Variants in PPP1R36 observed in about 807,000 individuals in gnomAD.
PPP1R36 encodes protein phosphatase 1 regulatory subunit 36, also known as chromosome 14 open reading frame 50.
PPP1R36 carries 47 observed loss-of-function variants against 53.4 expected under a neutral mutation model. The ratio of observed to expected loss-of-function variants is 0.88; its 90% CI spans 0.70 to 1.12. PPP1R36 has a LOEUF of 1.12. PPP1R36 is among the 50% of genes most tolerant of loss of function. The pLI, the probability that PPP1R36 is intolerant of heterozygous loss-of-function variation, is 0.00. For missense variants in PPP1R36, 456 were observed against 513.9 expected (o/e 0.89, Z 1.09); for synonymous variants, 153 against 170.5 (o/e 0.90, Z 0.80).
chr14:64,582,508 G>A (rs976076126), intron 8 of PPP1R36, among the ~76,000 whole-genome samples: 5 of 152,224 alleles, frequency 3.3e-5, no homozygotes, highest in African/African-American at 1.2e-4. Flanking sequence ...AATGCATGGT[G>A]TCTGTGCTGA....
intron 3 of PPP1R36, among the ~76,000 whole-genome samples, chr14:64,558,796 T>C (rs959596077): frequency 6.6e-6 from 1 of 152,106 alleles, no homozygotes; most frequent in Non-Finnish European, 1.5e-5. Context: ...GCACCACAGC[T>C]GGCTAATTTT....
At chr14:64,564,152 C>G (rs2080230423) in intron 3 of PPP1R36, among the ~76,000 whole-genome samples, 2 of 152,144 alleles carry the variant, frequency 1.3e-5, no homozygotes, top group South Asian at 4.1e-4. Context: ...GTCCTGAAAC[C>G]TACCTGGAGA....
At chr14:64,571,737 G>A (rs1295251033) in intron 7 of PPP1R36, among the ~76,000 whole-genome samples, 1 of 152,130 alleles carries the variant, frequency 6.6e-6, no homozygotes, top group African/African-American at 2.4e-5. Context: ...ACCCAACTGG[G>A]TAATTTATAA....
intron 8 of PPP1R36, among the ~76,000 whole-genome samples, chr14:64,578,760 T>C (rs988236110): frequency 6.6e-6 from 1 of 152,214 alleles, no homozygotes; most frequent in East Asian, 1.9e-4. Context: ...TTACTGGGTA[T>C]ATACCCAGAG....
At chr14:64,567,822 C>A (rs546832364) in intron 6 of PPP1R36, among the ~76,000 whole-genome samples, 1 of 152,132 alleles carries the variant, frequency 6.6e-6, no homozygotes, top group South Asian at 2.1e-4. Context: ...CCACCACGCC[C>A]GGCTAATTTT....
intron 3 of PPP1R36, among the ~76,000 whole-genome samples, chr14:64,553,328 CCTA>C (rs1403403741): frequency 1.3e-5 from 2 of 152,136 alleles, no homozygotes; most frequent in Non-Finnish European, 2.9e-5. Flanking sequence ...CATGTTTGAG[CCTA>C]CTAATAAGTT....
In PPP1R36 at chr14:64,566,405, T is replaced by G. The variant is rs1199750217; in HGVS notation, c.434+713T>G. ...TTGCAGTGAGCCAAGATCATGCCAT[T>G]GCACTTCAGCCTGGGCGACAGAGCA... On this transcript the variant is annotated intron_variant, in intron 6 of 11. Transcript: ENST00000298705. Among the ~76,000 whole-genome samples the G allele has an allele frequency of 4.0e-5, 6 of 151,058 alleles. No individual in the cohort carries two copies. In the South Asian group the frequency reaches 1.3e-3, roughly 32 times the overall value.
intron 8 of PPP1R36, among the ~76,000 whole-genome samples, chr14:64,582,676 A>C (rs11850291): frequency 0.16 from 24,519 of 152,198 alleles, 2,288 homozygotes; most frequent in East Asian, 0.21. Context: ...TTCTATATTG[A>C]AATGATAATA....
rs76532764 is a variant in PPP1R36, at chr14:64,583,622, A to T, written c.669-3215A>T. 8.6e-3 allele frequency among the ~76,000 whole-genome samples: 1,309 copies of T among 152,084 alleles called. 20 individuals carry two copies. Among genetic ancestry groups the T allele is most frequent in the African/African-American group, 0.03 (1,246 of 41,510 alleles). On this transcript the variant is annotated intron_variant, in intron 8 of 11. Coordinates refer to ENST00000298705, the MANE Select transcript of PPP1R36 (RefSeq NM_172365.3). ...CTGAGGTCAGGAGTTTGAGACAGCCATGACCAACACAGAGAAACCCCATCT... is the reference window on the plus strand; with the variant it reads ...CTGAGGTCAGGAGTTTGAGACAGCCTTGACCAACACAGAGAAACCCCATCT...
At chr14:64,586,978 T>A in intron 9 of PPP1R36, 99 bp downstream of exon 9, 1 of 1,021,504 alleles carries the variant, frequency 9.8e-7, no homozygotes, top group Non-Finnish European at 1.5e-6. Flanking sequence ...ATATCCTTTC[T>A]AAAAGACGGT....
chr14:64,567,684 T>C (rs530655486), intron 6 of PPP1R36, among the ~76,000 whole-genome samples: 57 of 152,216 alleles, frequency 3.7e-4, no homozygotes, highest in African/African-American at 1.2e-3. Context: ...TTTTTTGAGA[T>C]GGAGTCTCGC....
At chr14:64,568,282 T>G in intron 6 of PPP1R36, 67 bp from the exon 7 acceptor site, 10 of 608,202 alleles carry the variant, frequency 1.6e-5, no homozygotes, top group Non-Finnish European at 2.5e-5. Flanking sequence ...ATATTTTTTA[T>G]GAGAAATCTT....
chr14:64,556,852 TCA>T (rs1566648788), intron 3 of PPP1R36, among the ~76,000 whole-genome samples: 1 of 151,430 alleles, frequency 6.6e-6, no homozygotes, highest in Non-Finnish European at 1.5e-5. Context: ...TCTCACTTTG[TCA>T]CCTAGGCTGG....
In PPP1R36 at chr14:64,586,899, G is replaced by T; in HGVS notation, c.711+20G>T. 6.2e-7 allele frequency: 1 copy of T among 1,602,678 alleles called. No individual in the cohort carries two copies. Among genetic ancestry groups the T allele is most frequent in the Non-Finnish European group, 8.5e-7 (1 of 1,170,692 alleles). ...TTTGAGGTGAGTCACTTATGTTTTG[G>T]TGCTTTTTGATATGAAACAATATAT... is the stretch of plus-strand genomic sequence containing the variant. On this transcript the variant is annotated intron_variant, in intron 9 of 11. Transcript: ENST00000298705.
intron 3 of PPP1R36, among the ~76,000 whole-genome samples, chr14:64,563,631 G>A (rs1264106667): frequency 6.6e-6 from 1 of 152,006 alleles, no homozygotes; most frequent in Non-Finnish European, 1.5e-5. Context: ...GTCATGGGGA[G>A]GTATTTAACA....
chr14:64,559,410 G>A (rs1200749779), intron 3 of PPP1R36: 1 of 152,418 alleles, frequency 6.6e-6, no homozygotes, highest in Non-Finnish European at 1.5e-5. Flanking sequence ...CCAGGGCTGA[G>A]GAAAGTTGCA....
intron 1 of PPP1R36, 24 bp downstream of exon 1, chr14:64,550,090 C>A: frequency 6.5e-7 from 1 of 1,549,272 alleles, no homozygotes; most frequent in Non-Finnish European, 8.7e-7. Flanking sequence ...TGGTCGCCCC[C>A]ATACCCGGGC....
At chr14:64,567,158 G>C (rs936536749) in intron 6 of PPP1R36, among the ~76,000 whole-genome samples, 1 of 152,208 alleles carries the variant, frequency 6.6e-6, no homozygotes. Flanking sequence ...CTGCTCTTTA[G>C]GTATAGTTCA....
At chr14:64,565,575 C>A in intron 5 of PPP1R36, 51 bp from the exon 6 acceptor site, 1 of 1,531,026 alleles carries the variant, frequency 6.5e-7, no homozygotes, top group Non-Finnish European at 9.0e-7. Flanking sequence ...TTGTGTGACT[C>A]TCTAAGGTAG....
Sources: allele counts gnomAD v4.1 joint callset (sites outside exome capture counted in the v4.1 genomes callset), GRCh38; gene constraint gnomAD v4.1.1; transcripts MANE v1.5; gene names NCBI Gene and HGNC (gene_info 2026-07-23, HGNC 2026-07-21).